PARD3: variants seen among roughly 807,000 people sequenced by gnomAD.
The protein encoded by PARD3 is partitioning defective 3 homolog.
PARD3 carries 75 observed loss-of-function variants against 155.4 expected under a neutral mutation model. The ratio of observed to expected loss-of-function variants is 0.48; its 90% CI spans 0.40 to 0.58. The LOEUF (loss-of-function observed/expected upper bound fraction) is 0.58. Among genes scored for constraint, PARD3 ranks in the 20% least tolerant of loss-of-function variants. PARD3 has a pLI of 0.00. For synonymous variants in PARD3, 576 were observed against 610.5 expected (o/e 0.94, Z 0.83); for missense variants, 1,642 against 1,721.7 (o/e 0.95, Z 0.82).
At chr10:34,289,440 C>A (rs939994465) in intron 20 of PARD3, among the ~76,000 whole-genome samples, 6 of 151,950 alleles carry the variant, frequency 3.9e-5, no homozygotes, top group African/African-American at 1.4e-4. Context: ...TCCACCCGCA[C>A]CAGATTCCCA....
At chr10:34,605,449 T>A (rs1164419991) in intron 2 of PARD3, among the ~76,000 whole-genome samples, 1 of 146,326 alleles carries the variant, frequency 6.8e-6, no homozygotes, top group Non-Finnish European at 1.5e-5. Flanking sequence ...CACCTCGGCC[T>A]CCCAAAGTGC....
intron 21 of PARD3, among the ~76,000 whole-genome samples, chr10:34,279,820 A>G (rs1956076465): frequency 6.6e-6 from 1 of 152,204 alleles, no homozygotes; most frequent in Non-Finnish European, 1.5e-5. Context: ...AGGCTTTGAA[A>G]GATGATTAGA....
intron 22 of PARD3, among the ~76,000 whole-genome samples, chr10:34,173,270 C>A (rs1389629861): frequency 6.6e-6 from 1 of 152,146 alleles, no homozygotes; most frequent in Non-Finnish European, 1.5e-5. Flanking sequence ...AGAGTACTGG[C>A]AAACCTCAGC....
At chr10:34,413,178 C>CACAT (rs1845288720) in intron 5 of PARD3, among the ~76,000 whole-genome samples, 1 of 145,820 alleles carries the variant, frequency 6.9e-6, no homozygotes, top group African/African-American at 2.4e-5. Flanking sequence ...CACACACACA[C>CACAT]ACATATATAT....
At chr10:34,583,593 G>A (rs1045600935) in intron 2 of PARD3, among the ~76,000 whole-genome samples, 1 of 151,976 alleles carries the variant, frequency 6.6e-6, no homozygotes, top group Non-Finnish European at 1.5e-5. Context: ...CTAAATTGAG[G>A]AAATGAGGCC....
intron 14 of PARD3, among the ~76,000 whole-genome samples, chr10:34,349,576 A>C (rs1297164539): frequency 4.5e-5 from 5 of 111,096 alleles, no homozygotes; most frequent in African/African-American, 6.7e-5. Context: ...AGACTCTGGG[A>C]AAGTAAAAAA....
Position 34,111,248 on chromosome 10 carries a change from T to C in PARD3, c.3983A>G (p.Asp1328Gly), listed in dbSNP as rs1424894365. 3.1e-6 allele frequency: 5 copies of C among 1,612,660 alleles called. No homozygotes were observed. In the African/African-American group the frequency reaches 4.0e-5, roughly 13 times the overall value. Residue 1328 changes from aspartate (D) to glycine (G), a missense_variant, in exon 25 of 25, where the codon GAT (aspartate) becomes GGT (glycine). Asp to Gly is a moderately conservative substitution (Grantham distance 94, BLOSUM62 -1). Around this residue, in one of 3 missense-constraint regions of PARD3, gnomAD observed 1,529 missense variants for 1,587.3 expected, o/e 0.96. Transcript: ENST00000374788. ...YAPPKGPFRQDVPPSPSQVAR... is the reference protein window; with the variant it reads ...YAPPKGPFRQGVPPSPSQVAR... ...AACCTGAGAAGGGGAGGGGGGCACA[T>C]CTTGCCGGAAGGGCCCCTTGGGAGG...
intron 1 of PARD3, among the ~76,000 whole-genome samples, chr10:34,725,121 G>GTC (rs1170787866): frequency 8.1e-6 from 1 of 123,764 alleles, no homozygotes; most frequent in African/African-American, 2.7e-5. Context: ...GTGTGTGTGT[G>GTC]TGTGTGTGTG....
intron 10 of PARD3, among the ~76,000 whole-genome samples, chr10:34,376,689 T>A (rs1327049857): frequency 6.6e-6 from 1 of 152,156 alleles, no homozygotes; most frequent in African/African-American, 2.4e-5. Context: ...AGGCTCCAAA[T>A]GTAGACATGG....
At chr10:34,693,567 C>A (rs1420169984) in intron 2 of PARD3, among the ~76,000 whole-genome samples, 1 of 152,196 alleles carries the variant, frequency 6.6e-6, no homozygotes, top group African/African-American at 2.4e-5. Context: ...GCAGGGCCTA[C>A]TTGAAGAGGG....
chr10:34,115,710 T>C (rs998325219), intron 24 of PARD3, among the ~76,000 whole-genome samples: 6 of 150,900 alleles, frequency 4.0e-5, no homozygotes, highest in Non-Finnish European at 7.4e-5. Flanking sequence ...TATAATTTTT[T>C]TCTTTTTTTT....
At chr10:34,152,967 T>C (rs1948846154) in intron 22 of PARD3, among the ~76,000 whole-genome samples, 1 of 152,180 alleles carries the variant, frequency 6.6e-6, no homozygotes, top group Non-Finnish European at 1.5e-5. Context: ...TCCAGTGACA[T>C]GACAAAGCTA....
intron 1 of PARD3, among the ~76,000 whole-genome samples, chr10:34,723,390 T>C (rs550273900): frequency 2.0e-5 from 3 of 152,332 alleles, no homozygotes; most frequent in South Asian, 2.1e-4. Context: ...AGGCCACCAA[T>C]GATGGCTGAA....
intron 14 of PARD3, among the ~76,000 whole-genome samples, chr10:34,351,990 G>GA (rs1480918862): frequency 1.3e-5 from 2 of 152,086 alleles, no homozygotes; most frequent in East Asian, 1.9e-4. Flanking sequence ...TAAGCCTAGA[G>GA]AAAAAATTCA....
chr10:34,336,450 C>T, intron 17 of PARD3: 1 of 523,844 alleles, frequency 1.9e-6, no homozygotes, highest in South Asian at 2.6e-5. Flanking sequence ...TTTCATTTCA[C>T]AGACATGTGT....
intron 2 of PARD3, among the ~76,000 whole-genome samples, chr10:34,558,002 C>T (rs1368279173): frequency 2.0e-5 from 3 of 151,564 alleles, no homozygotes; most frequent in African/African-American, 7.3e-5. Flanking sequence ...TTACTATTCT[C>T]GTTATGATTT....
intron 20 of PARD3, among the ~76,000 whole-genome samples, chr10:34,304,418 C>A (rs796986754): frequency 6.6e-6 from 1 of 151,784 alleles, no homozygotes; most frequent in Non-Finnish European, 1.5e-5. Context: ...AGGAATAAAA[C>A]GTGAAAGTCA....
Position 34,382,737 on chromosome 10 carries a change from G to A in PARD3, c.1202C>T (p.Thr401Met), listed in dbSNP as rs116642073. ...GTTCAGTCGGGGTGCTCTCTGCACC[G>A]TGTGAAGCCCTGCACTGTTCACACT... ...NRSVNSAGLH[T>M]VQRAPRLNHP... The change falls in exon 9 of 25, where the codon ACG (threonine) becomes ATG (methionine). Residue 401 changes from threonine to methionine, a missense_variant. By Grantham distance (81) the Thr-to-Met change is moderately conservative. Coordinates refer to ENST00000374788, the MANE Select transcript of PARD3 (RefSeq NM_001184785.2). 2.3e-4 allele frequency: 364 copies of A among 1,614,150 alleles called. 1 individual carries two copies. In the African/African-American group the frequency reaches 4.1e-3, roughly 18 times the overall value.
At chr10:34,588,535 A>G (rs1382553225) in intron 2 of PARD3, among the ~76,000 whole-genome samples, 1 of 152,184 alleles carries the variant, frequency 6.6e-6, no homozygotes, top group African/African-American at 2.4e-5. Context: ...TACAACCTCC[A>G]TGTATGAATT....
Sources: allele counts gnomAD v4.1 joint callset (sites outside exome capture counted in the v4.1 genomes callset), GRCh38; gene constraint gnomAD v4.1.1; regional missense constraint gnomAD v4.1.1; transcripts MANE v1.5; gene names NCBI Gene and HGNC (gene_info 2026-07-23, HGNC 2026-07-21).